COL23A1: variants seen among roughly 807,000 people sequenced by gnomAD.
COL23A1 encodes the protein collagen alpha-1(XXIII) chain.
A neutral mutation model predicts 99.3 loss-of-function variants in COL23A1; 97 were observed. That is an observed-to-expected ratio of 0.98 (90% CI 0.83 to 1.16). The LOEUF (loss-of-function observed/expected upper bound fraction) is 1.16, where lower values mean the gene tolerates loss of function less well. COL23A1 is among the 50% of genes most tolerant of loss of function. The pLI is 0.00. For missense variants in COL23A1, 762 were observed against 757.4 expected, an observed-to-expected ratio of 1.01 and a Z score of -0.07; for synonymous variants, 320 against 308.2, an observed-to-expected ratio of 1.04 and a Z score of -0.40.
intron 4 of COL23A1, 31 bp downstream of exon 4, chr5:178,290,331 A>G (rs1423821056): frequency 9.3e-6 from 15 of 1,613,936 alleles, no homozygotes; most frequent in Non-Finnish European, 1.2e-5. Flanking sequence ...CTTATCTTTC[A>G]GAAGCAGACA....
chr5:178,319,570 CAGG>C (rs1759172528), intron 2 of COL23A1, among the ~76,000 whole-genome samples: 1 of 152,188 alleles, frequency 6.6e-6, no homozygotes, highest in Non-Finnish European at 1.5e-5. Context: ...AGGCACTTGC[CAGG>C]AGAAGCTGGG....
At chr5:178,455,053 G>A (rs1391739636) in intron 2 of COL23A1, among the ~76,000 whole-genome samples, 1 of 152,194 alleles carries the variant, frequency 6.6e-6, no homozygotes, top group Non-Finnish European at 1.5e-5. Context: ...ACACAACGGT[G>A]GCCACGCAGT....
chr5:178,565,755 A>G lies in COL23A1; in HGVS notation c.295-5007T>C, dbSNP rs374764603. Among the ~76,000 whole-genome samples, 59 of 152,204 alleles carry G rather than the reference A, an allele frequency of 3.9e-4. 2 individuals carry two copies. The South Asian group carries it at 0.012, about 31-fold the overall frequency. On this transcript the variant is annotated intron_variant, in intron 1 of 28. Coordinates refer to ENST00000390654, the MANE Select transcript of COL23A1 (RefSeq NM_173465.4). ...GGGCTGGACTTAAATCCTGGTAGCA[A>G]CTGACATGGATCATAGATGACAACC...
At position 178,248,207 on chromosome 5, in the gene COL23A1, GCTGTCAGACGCCGA is replaced by G. The variant is rs780391942; in HGVS notation, c.1183_1196del (p.Ser395ProfsTer47). On this transcript the variant is annotated frameshift_variant, in exon 20 of 29. Transcript: ENST00000390654. LOFTEE classifies it high-confidence loss of function. ...ACCCCCTTACCAGGCTCTCCTGTAG[GCTGTCAGACGCCGA>G]CTCCCCCTTCTCCCCCTTGAGGCCG... is the stretch of plus-strand genomic sequence containing the variant. The G allele has an allele frequency of 6.2e-7, 1 of 1,608,870 alleles. No homozygotes were observed. The highest frequency in any genetic ancestry group is 8.5e-7 in the Non-Finnish European group (1 of 1,175,440).
rs1758787992 is a variant in COL23A1, at chr5:178,313,039, C to G, written c.362-6120G>C. On this transcript the variant is annotated intron_variant, in intron 2 of 28. Coordinates refer to ENST00000390654, the MANE Select transcript of COL23A1 (RefSeq NM_173465.4). The surrounding 1 kb of genome is among the most constrained non-coding windows in gnomAD (Gnocchi z 4.2). ...GGAGAGGAAGGAGTTCCTGCGCACG[C>G]TGCAGCATGATGGGCCTGGAGGACG... 6.6e-6 allele frequency among the ~76,000 whole-genome samples: 1 copy of G among 152,178 alleles called. No individual in the cohort carries two copies. The highest frequency in any genetic ancestry group is 6.5e-5 in the Admixed American group (1 of 15,288).
chr5:178,288,230 C>G, intron 5 of COL23A1, 94 bp downstream of exon 5: 1 of 1,077,334 alleles, frequency 9.3e-7, no homozygotes, highest in South Asian at 1.2e-5. Flanking sequence ...GCAGAAGAGA[C>G]AGGAGCGCAG....
At chr5:178,507,947 T>C (rs1400959984) in intron 2 of COL23A1, among the ~76,000 whole-genome samples, 1 of 152,240 alleles carries the variant, frequency 6.6e-6, no homozygotes, top group South Asian at 2.1e-4. Flanking sequence ...AGCATTCTGA[T>C]GACACAAATG....
intron 2 of COL23A1, among the ~76,000 whole-genome samples, chr5:178,444,595 A>C (rs752650546): frequency 6.6e-6 from 1 of 152,050 alleles, no homozygotes; most frequent in Non-Finnish European, 1.5e-5. Flanking sequence ...AGGAGTTCGA[A>C]ACCAGCCTGG....
intron 2 of COL23A1, among the ~76,000 whole-genome samples, chr5:178,484,148 A>C (rs559293664): frequency 6.6e-6 from 1 of 151,652 alleles, no homozygotes; most frequent in Non-Finnish European, 1.5e-5. Flanking sequence ...CTGGTCTTGA[A>C]CTCGACCTCA....
At chr5:178,239,391 T>C (rs1269201127) in intron 27 of COL23A1, among the ~76,000 whole-genome samples, 9 of 152,192 alleles carry the variant, frequency 5.9e-5, no homozygotes, top group Non-Finnish European at 1.3e-4. Context: ...TCACTGAGCT[T>C]GTCCTGAGTG....
intron 1 of COL23A1, among the ~76,000 whole-genome samples, chr5:178,569,838 C>G (rs1763002151): frequency 6.6e-6 from 1 of 152,166 alleles, no homozygotes; most frequent in Non-Finnish European, 1.5e-5. Context: ...CCCTCCACAC[C>G]CCTTCATGCT....
chr5:178,238,579 AT>A lies in COL23A1; in HGVS notation c.*118del. 1 of 1,375,530 alleles carries A rather than the reference AT, an allele frequency of 7.3e-7. No homozygotes were observed. 85.2% of individuals were successfully genotyped at this position (1,375,530 alleles called of 1,614,324 possible). A position where few individuals can be genotyped will look rare whatever the true frequency, so the allele number is the denominator to read the frequency against. On this transcript the variant is annotated 3_prime_UTR_variant, in exon 29 of 29. Coordinates refer to ENST00000390654, the MANE Select transcript of COL23A1 (RefSeq NM_173465.4). ...TGGGGCTGGGTGGGCATACTCTTGA[AT>A]GTTAAAAGGCCACAGGTAGCGCATT...
At chr5:178,400,321 C>T (rs187054966) in intron 2 of COL23A1, among the ~76,000 whole-genome samples, 4,365 of 143,170 alleles carry the variant, frequency 0.03, 220 homozygotes, top group African/African-American at 0.11. Flanking sequence ...GAGCCGAGAT[C>T]GCGCCACTGC....
chr5:178,380,707 A>G (rs369308549), intron 2 of COL23A1, among the ~76,000 whole-genome samples: 4 of 152,300 alleles, frequency 2.6e-5, no homozygotes, highest in South Asian at 2.1e-4. Flanking sequence ...GACGGCCGGG[A>G]CAGAGGCAGG....
chr5:178,307,364 CA>C lies in COL23A1; in HGVS notation c.362-446del, dbSNP rs1424828963. 1.3e-5 allele frequency among the ~76,000 whole-genome samples: 2 copies of C among 152,226 alleles called. No individual in the cohort carries two copies. The highest frequency in any genetic ancestry group is 4.8e-5 in the African/African-American group (2 of 41,458). On this transcript the variant is annotated intron_variant, in intron 2 of 28. Coordinates refer to ENST00000390654, the MANE Select transcript of COL23A1 (RefSeq NM_173465.4). The surrounding 1 kb of genome is among the most constrained non-coding windows in gnomAD (Gnocchi z 4.2). ...CTAAAGTAAAACAACAAAGCCAACA[CA>C]ACAAAGAGGCCATCACGGCCGCGCA...
Position 178,446,885 on chromosome 5 carries a change from G to A in COL23A1, c.361+113797C>T, listed in dbSNP as rs901359623. Among the ~76,000 whole-genome samples, 15 of 152,204 alleles carry A rather than the reference G, an allele frequency of 9.9e-5. No homozygotes were observed. The East Asian group carries it at 2.7e-3, about 27-fold the overall frequency. The stretch of plus-strand genomic sequence containing the variant: ...ACTGAATGACTCAAGAGAATTTTTA[G>A]GAAAAGCCTTAACAGGTTGAGAGAA... On this transcript the variant is annotated intron_variant, in intron 2 of 28. Coordinates refer to ENST00000390654, the MANE Select transcript of COL23A1 (RefSeq NM_173465.4).
chr5:178,515,420 G>A (rs1759447926), intron 2 of COL23A1, among the ~76,000 whole-genome samples: 1 of 152,160 alleles, frequency 6.6e-6, no homozygotes, highest in South Asian at 2.1e-4. Context: ...GGTTTCCACG[G>A]GGTGGAAGCC....
intron 2 of COL23A1, among the ~76,000 whole-genome samples, chr5:178,425,104 G>C (rs1460375982): frequency 6.6e-6 from 1 of 152,206 alleles, no homozygotes; most frequent in South Asian, 2.1e-4. Flanking sequence ...AAAACGCAAA[G>C]CAGCCTGTAA....
intron 2 of COL23A1, among the ~76,000 whole-genome samples, chr5:178,467,591 A>G (rs1756488954): frequency 6.6e-6 from 1 of 152,126 alleles, no homozygotes; most frequent in South Asian, 2.1e-4. Flanking sequence ...GGTTTGAAGG[A>G]TGTGTGGAAA....
Sources: allele counts gnomAD v4.1 joint callset (sites outside exome capture counted in the v4.1 genomes callset), GRCh38; gene constraint gnomAD v4.1.1; non-coding constraint Gnocchi (gnomAD v3.1); transcripts MANE v1.5; gene names NCBI Gene and HGNC (gene_info 2026-07-23, HGNC 2026-07-21).